Variants in DOCK6 observed in about 807,000 individuals in gnomAD.
DOCK6 encodes dedicator of cytokinesis 6, also known as dedicator of cytokinesis protein 6.
A neutral mutation model predicts 230.3 loss-of-function variants in DOCK6; 167 were observed. That is an observed-to-expected ratio of 0.73 (90% CI 0.64 to 0.82). The LOEUF (loss-of-function observed/expected upper bound fraction) is 0.82. DOCK6 is among the 40% of genes least tolerant of loss of function. DOCK6 has a pLI of 0.00. For synonymous variants in DOCK6, 1,148 were observed against 1,185.0 expected, an observed-to-expected ratio of 0.97 and a Z score of 0.64; for missense variants, 2,598 against 2,825.8, an observed-to-expected ratio of 0.92 and a Z score of 1.83.
At position 11,253,706 on chromosome 19, in the gene DOCK6, C is replaced by A; in HGVS notation, c.65G>T (p.Arg22Leu). 1 of 1,470,560 alleles carries A rather than the reference C, an allele frequency of 6.8e-7. No individual in the cohort carries two copies. The highest frequency in any genetic ancestry group is 8.9e-7 in the Non-Finnish European group (1 of 1,118,344). The allele number at this position is 1,470,560 out of a possible 1,614,324, so 91.1% of individuals were successfully genotyped here. ...KINRTVAAEV[R>L]KQVSRERSGS... ...ACTGCGTTCCCGGGACACCTGCTTC[C>A]GCACCTCTGCGGCCACCGTCCTGGA... Residue 22 changes from arginine (R) to leucine (L), a missense_variant, in exon 2 of 48, where the codon CGG becomes CTG. Physicochemically the swap from Arg to Leu is moderately radical, Grantham distance 102 (BLOSUM62 -2). Transcript: ENST00000294618.
rs1714354715 is a variant in DOCK6, at chr19:11,200,155, AAAAAC to A, written c.6101+148_6101+152del. On this transcript the variant is annotated intron_variant, in intron 47 of 47. Coordinates refer to ENST00000294618, the MANE Select transcript of DOCK6 (RefSeq NM_020812.4). This position sits in a 1 kb window ranked among gnomAD's most constrained non-coding sequence, Gnocchi z 4.3. ...AACAGAGGGAGAGTCTCTCAAAAAA[AAAAAC>A]AAAAAAAAAACCGGAAACAAAACAA... 6.6e-6 allele frequency among the ~76,000 whole-genome samples: 1 copy of A among 151,526 alleles called. No individual in the cohort carries two copies. The highest frequency in any genetic ancestry group is 1.5e-5 in the Non-Finnish European group (1 of 67,942).
chr19:11,259,914 T>C (rs1185394518), intron 1 of DOCK6, among the ~76,000 whole-genome samples: 72 of 75,526 alleles, frequency 9.5e-4, no homozygotes, highest in Middle Eastern at 0.017. Context: ...GACAGAGTCT[T>C]ACTCTGTCAC....
At chr19:11,258,509 T>C (rs2080232065) in intron 1 of DOCK6, among the ~76,000 whole-genome samples, 1 of 151,704 alleles carries the variant, frequency 6.6e-6, no homozygotes, top group African/African-American at 2.4e-5. Context: ...CTCAGCTCAC[T>C]GCAACCTCCA....
Position 11,200,170 on chromosome 19 carries a change from ACCG to A in DOCK6, c.6101+135_6101+137del. 1.1e-6 allele frequency: 1 copy of A among 934,608 alleles called. No individual in the cohort carries two copies. The highest frequency in any genetic ancestry group is 1.5e-6 in the Non-Finnish European group (1 of 654,274). 57.9% of individuals were successfully genotyped at this position (934,608 alleles called of 1,614,324 possible). A position where few individuals can be genotyped will look rare whatever the true frequency, so the allele number is the denominator to read the frequency against. On this transcript the variant is annotated intron_variant, in intron 47 of 47. Transcript: ENST00000294618. This position sits in a 1 kb window ranked among gnomAD's most constrained non-coding sequence, Gnocchi z 4.3. Reference sequence around the variant, plus strand: ...TCTCAAAAAAAAAAACAAAAAAAAAACCGGAAACAAAACAAAGTCCAAGCTACC... The same window carrying A: ...TCTCAAAAAAAAAAACAAAAAAAAAAGAAACAAAACAAAGTCCAAGCTACC...
intron 22 of DOCK6, chr19:11,232,058 A>C (rs1463666264): frequency 1.8e-6 from 1 of 560,580 alleles, no homozygotes; most frequent in African/African-American, 2.0e-5. Context: ...CCCCAAACAA[A>C]GGCAGGAGAG....
In DOCK6 at chr19:11,200,389, T is replaced by C. The variant is rs2079148889; in HGVS notation, c.6020A>G (p.Tyr2007Cys). The C allele has an allele frequency of 1.2e-6, 2 of 1,605,518 alleles. No individual in the cohort carries two copies. Among genetic ancestry groups the C allele is most frequent in the South Asian group, 2.2e-5 (2 of 89,132 alleles). Residue 2007 changes from tyrosine to cysteine, a missense_variant, in exon 47 of 48, where the codon TAC (tyrosine) becomes TGC (cysteine). Transcript: ENST00000294618. This position sits in a 1 kb window ranked among gnomAD's most constrained non-coding sequence, Gnocchi z 4.3. ...CTGCAGAGCCTCCCGCAGGCGGCAG[T>C]AGTTGCGCTCCAGCTCACGGTGGTA... The part of the protein sequence containing the change: ...KEYHRELERN[Y>C]CRLREALQPL...
intron 28 of DOCK6, among the ~76,000 whole-genome samples, chr19:11,217,849 T>C (rs1179437957): frequency 1.3e-5 from 2 of 151,966 alleles, no homozygotes; most frequent in African/African-American, 4.8e-5. Flanking sequence ...ATTTTACTTA[T>C]TTTATTTATT....
At chr19:11,211,450 A>T (rs1389317900) in intron 37 of DOCK6, among the ~76,000 whole-genome samples, 1 of 145,082 alleles carries the variant, frequency 6.9e-6, no homozygotes, top group African/African-American at 2.6e-5. Context: ...TTCTCCTGGC[A>T]TCCTCTTTAC....
intron 28 of DOCK6, among the ~76,000 whole-genome samples, chr19:11,219,193 T>C (rs1423769594): frequency 6.3e-5 from 8 of 126,198 alleles, no homozygotes; most frequent in African/African-American, 2.2e-4. Flanking sequence ...TTTTTTTTTT[T>C]TTTTTTTTGA....
chr19:11,253,830 G>T (rs781138502), intron 1 of DOCK6, 104 bp from the exon 2 acceptor site: 1 of 807,320 alleles, frequency 1.2e-6, no homozygotes, highest in Non-Finnish European at 1.9e-6. Context: ...GAAATAAATA[G>T]GCCGAGGGCC....
chr19:11,239,480 C>T, intron 14 of DOCK6: 1 of 931,676 alleles, frequency 1.1e-6, no homozygotes, highest in African/African-American at 1.7e-5. Context: ...CGTGGCCTAG[C>T]CGGACATTCG....
rs1342439498 is a variant in DOCK6 at position 11,228,017 on chromosome 19, T to TA, written c.2815-541_2815-540insT. Among the ~76,000 whole-genome samples, 5 of 150,798 alleles carry TA rather than the reference T, an allele frequency of 3.3e-5. No homozygotes were observed. In the South Asian group the frequency reaches 1.1e-3, roughly 32 times the overall value. On this transcript the variant is annotated intron_variant, in intron 23 of 47. Coordinates refer to ENST00000294618, the MANE Select transcript of DOCK6 (RefSeq NM_020812.4). ...TGATCAGAAAGCTTTCCCTCTTTTT[T>TA]TTTTTTTTTTTTTGAGATGGAGTCT...
At chr19:11,205,109 C>G (rs1185382597) in intron 39 of DOCK6, among the ~76,000 whole-genome samples, 1 of 152,196 alleles carries the variant, frequency 6.6e-6, no homozygotes, top group African/African-American at 2.4e-5. Context: ...GGCATCAAGC[C>G]TGGCTCAAAA....
Position 11,255,122 on chromosome 19 carries a change from G to A in DOCK6, c.45-1396C>T, listed in dbSNP as rs185423407. On this transcript the variant is annotated intron_variant, in intron 1 of 47. Transcript: ENST00000294618. ...GGGTTCAAGCGATTCTCCTGCCTCC[G>A]CCTCCTGAGTAGCTGGGATTACTGG... Among the ~76,000 whole-genome samples the A allele has an allele frequency of 3.6e-4, 55 of 151,218 alleles. No homozygotes were observed. In the South Asian group the frequency reaches 0.01, roughly 29 times the overall value.
At chr19:11,237,595 G>A in intron 17 of DOCK6, 38 bp from the exon 18 acceptor site, 1 of 1,608,298 alleles carries the variant, frequency 6.2e-7, no homozygotes. Flanking sequence ...CGGCCAGGTT[G>A]GGGGACGAGG....
chr19:11,216,916 T>C lies in DOCK6; in HGVS notation c.3892A>G (p.Lys1298Glu), dbSNP rs763681951. The C allele has an allele frequency of 1.9e-6, 3 of 1,613,502 alleles. No individual in the cohort carries two copies. Among genetic ancestry groups the C allele is most frequent in the African/African-American group, 1.3e-5 (1 of 74,876 alleles). Residue 1298 changes from lysine (K) to glutamate (E), a missense_variant and splice_region_variant, in exon 30 of 48, where the codon AAG becomes GAG. Physicochemically the swap from Lys to Glu is moderately conservative, Grantham distance 56 (BLOSUM62 1). Transcript: ENST00000294618. ...LYLCLAAFEY[K>E]GKKAFERINS... ...ATCTCCTGCCCACGCCCTCAAACCTTGTACTCAAAGGCAGCTAGGCAAAGG... is the reference window on the plus strand; with the variant it reads ...ATCTCCTGCCCACGCCCTCAAACCTCGTACTCAAAGGCAGCTAGGCAAAGG...
At chr19:11,218,156 A>AT (rs961544446) in intron 28 of DOCK6, among the ~76,000 whole-genome samples, 4 of 149,008 alleles carry the variant, frequency 2.7e-5, no homozygotes, top group Non-Finnish European at 4.5e-5. Flanking sequence ...GGCCTATTTT[A>AT]TTTTTTTTTG....
At chr19:11,207,455 C>G (rs1568669448) in intron 39 of DOCK6, among the ~76,000 whole-genome samples, 1 of 152,024 alleles carries the variant, frequency 6.6e-6, no homozygotes, top group South Asian at 2.1e-4. Context: ...TTCAGCCTCC[C>G]AAAGTGCTGG....
intron 41 of DOCK6, chr19:11,203,818 A>G (rs537733708): frequency 5.2e-6 from 3 of 579,436 alleles, no homozygotes; most frequent in Admixed American, 6.2e-5. Flanking sequence ...GCAGTGACCA[A>G]GCTGGCCCTG....
Sources: allele counts gnomAD v4.1 joint callset (sites outside exome capture counted in the v4.1 genomes callset), GRCh38; gene constraint gnomAD v4.1.1; non-coding constraint Gnocchi (gnomAD v3.1); transcripts MANE v1.5; gene names NCBI Gene and HGNC (gene_info 2026-07-23, HGNC 2026-07-21).